GRID1: variants seen among roughly 807,000 people sequenced by gnomAD.
GRID1 encodes glutamate ionotropic receptor delta type subunit 1.
In GRID1, 28 loss-of-function variants were observed where a neutral mutation model predicts 98.0. The observed-to-expected ratio is 0.29, with a 90% CI of 0.21 to 0.39. GRID1 has a LOEUF of 0.39. Among genes scored for constraint, GRID1 ranks in the 10% least tolerant of loss-of-function variants. The probability of loss-of-function intolerance (pLI) is 1.00; values close to 1 mark genes in which losing one functional copy is unlikely to be tolerated. For missense variants in GRID1, 1,111 were observed against 1,340.5 expected, an observed-to-expected ratio of 0.83 and a Z score of 2.67; for synonymous variants, 553 against 538.5, an observed-to-expected ratio of 1.03 and a Z score of -0.37.
chr10:85,633,756 C>T (rs561117095), intron 13 of GRID1, among the ~76,000 whole-genome samples: 111 of 152,290 alleles, frequency 7.3e-4, no homozygotes, highest in African/African-American at 2.5e-3. Context: ...TGAGGAGCTA[C>T]AAAAGAGGTC....
At chr10:85,716,078 T>G (rs1234602640) in intron 12 of GRID1, among the ~76,000 whole-genome samples, 1 of 152,092 alleles carries the variant, frequency 6.6e-6, no homozygotes, top group Non-Finnish European at 1.5e-5. Flanking sequence ...GGCTGCTTTT[T>G]GTATTTTTAC....
At chr10:85,725,195 A>G (rs1269659185) in intron 10 of GRID1, among the ~76,000 whole-genome samples, 1 of 152,224 alleles carries the variant, frequency 6.6e-6, no homozygotes, top group Admixed American at 6.5e-5. Flanking sequence ...TGAGTTCTAC[A>G]ACTATGTTAG....
At chr10:86,288,779 G>A (rs890596805) in intron 2 of GRID1, among the ~76,000 whole-genome samples, 17 of 152,168 alleles carry the variant, frequency 1.1e-4, no homozygotes, top group South Asian at 4.2e-4. Context: ...GTGCAGAGAC[G>A]GCCAGAGCGC....
chr10:85,802,046 G>A (rs906507979), intron 8 of GRID1, among the ~76,000 whole-genome samples: 1 of 151,966 alleles, frequency 6.6e-6, no homozygotes, highest in Non-Finnish European at 1.5e-5. Context: ...TAACAAAAAT[G>A]TGCAACATCT....
rs191665786 is a variant in GRID1 at position 86,087,939 on chromosome 10, T to C, written c.726+50880A>G. The stretch of plus-strand genomic sequence containing the variant: ...ACCCCCTCTGTCCTCTATCTGCTTA[T>C]GCAGAGCACGTCCTACAGTCAGTGC... On this transcript the variant is annotated intron_variant, in intron 4 of 15. Transcript: ENST00000327946. 2.7e-4 allele frequency among the ~76,000 whole-genome samples: 41 copies of C among 152,364 alleles called. No homozygotes were observed. In the East Asian group the frequency reaches 6.9e-3, roughly 26 times the overall value.
At chr10:86,035,451 A>C (rs573986326) in intron 4 of GRID1, among the ~76,000 whole-genome samples, 1 of 152,280 alleles carries the variant, frequency 6.6e-6, no homozygotes, top group African/African-American at 2.4e-5. Flanking sequence ...GAAAGCATGG[A>C]TGGTAGAGAG....
intron 8 of GRID1, among the ~76,000 whole-genome samples, chr10:85,761,812 C>A (rs910661933): frequency 6.6e-6 from 1 of 152,058 alleles, no homozygotes. Flanking sequence ...GCTCCCCCCA[C>A]ACCCCCCAAA....
intron 2 of GRID1, among the ~76,000 whole-genome samples, chr10:86,343,542 A>T (rs186459774): frequency 1.3e-5 from 2 of 152,306 alleles, no homozygotes; most frequent in East Asian, 3.9e-4. Flanking sequence ...ATGAGATGAA[A>T]TATTCCTTGC....
chr10:85,832,000 G>C (rs2131762557), intron 8 of GRID1, among the ~76,000 whole-genome samples: 1 of 151,986 alleles, frequency 6.6e-6, no homozygotes, highest in Admixed American at 6.5e-5. Context: ...GCCAAAATTT[G>C]TTTTTTGAAA....
intron 3 of GRID1, among the ~76,000 whole-genome samples, chr10:86,185,451 G>A (rs1196636572): frequency 6.6e-6 from 1 of 151,844 alleles, no homozygotes; most frequent in East Asian, 1.9e-4. Context: ...TCCAATCTGG[G>A]CATCTTTGTT....
At chr10:85,969,505 A>C (rs1344937630) in intron 4 of GRID1, among the ~76,000 whole-genome samples, 1 of 152,186 alleles carries the variant, frequency 6.6e-6, no homozygotes, top group African/African-American at 2.4e-5. Flanking sequence ...ATTTGACCTA[A>C]ATAGAATTAA....
At chr10:86,124,991 G>C (rs1480860758) in intron 4 of GRID1, among the ~76,000 whole-genome samples, 4 of 152,152 alleles carry the variant, frequency 2.6e-5, no homozygotes, top group Non-Finnish European at 4.4e-5. Flanking sequence ...TGAACTTCAG[G>C]GAGCAATCAT....
At position 86,232,326 on chromosome 10, in the gene GRID1, T is replaced by C. The variant is rs117304862; in HGVS notation, c.236-25678A>G. Reference sequence around the variant, plus strand: ...CCTCAGGAACTGATACACTGAGGGTTCTCTGGCTGGCAGTCACTGGGCATC... The same window carrying C: ...CCTCAGGAACTGATACACTGAGGGTCCTCTGGCTGGCAGTCACTGGGCATC... On this transcript the variant is annotated intron_variant, in intron 2 of 15. Transcript: ENST00000327946. 1.2e-3 allele frequency among the ~76,000 whole-genome samples: 186 copies of C among 152,342 alleles called. 1 individual carries two copies. Among genetic ancestry groups the C allele is most frequent in the East Asian group, 9.6e-3 (50 of 5,182 alleles).
At chr10:85,855,530 T>C (rs999294519) in intron 7 of GRID1, among the ~76,000 whole-genome samples, 6 of 152,254 alleles carry the variant, frequency 3.9e-5, no homozygotes, top group African/African-American at 9.6e-5. Flanking sequence ...CCTAACGCTA[T>C]GGATTTCCCT....
chr10:86,223,991 C>T (rs939990112), intron 2 of GRID1, among the ~76,000 whole-genome samples: 1 of 152,148 alleles, frequency 6.6e-6, no homozygotes, highest in African/African-American at 2.4e-5. Context: ...AGGTGATAAA[C>T]CAAAGACCAG....
intron 3 of GRID1, among the ~76,000 whole-genome samples, chr10:86,189,267 T>A (rs1845767779): frequency 6.6e-6 from 1 of 152,078 alleles, no homozygotes; most frequent in Non-Finnish European, 1.5e-5. Context: ...AGGCTAGTGA[T>A]GGGACCTTTG....
chr10:85,635,763 C>G (rs1475392080), intron 13 of GRID1, among the ~76,000 whole-genome samples: 1 of 152,086 alleles, frequency 6.6e-6, no homozygotes, highest in Non-Finnish European at 1.5e-5. Flanking sequence ...AGGGAAAGCC[C>G]AGGGAAGGCT....
chr10:86,308,530 G>A (rs1322357741), intron 2 of GRID1, among the ~76,000 whole-genome samples: 7 of 152,148 alleles, frequency 4.6e-5, no homozygotes, highest in Admixed American at 3.3e-4. Context: ...CCCATGGGGT[G>A]GTATTGTTCA....
rs1848663408 is a variant in GRID1 at position 86,365,484 on chromosome 10, T to C, written c.79+830A>G. ...CCCCTCGGCGCGCCCCCTCCTCCTC[T>C]GCGCTTTCATCTTCTCTCCCGGTTC... On this transcript the variant is annotated intron_variant, in intron 1 of 15. Transcript: ENST00000327946. This position sits in a 1 kb window ranked among gnomAD's most constrained non-coding sequence, Gnocchi z 4.8. Among the ~76,000 whole-genome samples the C allele has an allele frequency of 1.4e-5, 2 of 144,540 alleles. No homozygotes were observed. The highest frequency in any genetic ancestry group is 3.0e-5 in the Non-Finnish European group (2 of 66,220). The allele number at this position is 144,540 out of a possible 152,430, so 94.8% of individuals were successfully genotyped here.
Sources: gnomAD v4.1 joint callset for allele counts (sites outside exome capture counted in the v4.1 genomes callset) on GRCh38, gnomAD v4.1.1 for gene constraint, Gnocchi (gnomAD v3.1) non-coding constraint, MANE v1.5 for transcripts, NCBI Gene and HGNC (gene_info 2026-07-23, HGNC 2026-07-21) for gene names.